NAALADL2: variants seen among roughly 807,000 people sequenced by gnomAD.
NAALADL2 encodes inactive N-acetylated-alpha-linked acidic dipeptidase-like protein 2.
Under a neutral mutation model 87.2 loss-of-function variants are expected in NAALADL2, and 76 were observed. That is an observed-to-expected ratio of 0.87 (90% CI 0.72 to 1.05). NAALADL2 has a LOEUF of 1.05. Among genes scored for constraint, NAALADL2 ranks in the 50% least tolerant of loss-of-function variants. NAALADL2 has a pLI of 0.00. For synonymous variants in NAALADL2, 354 were observed against 331.0 expected, an observed-to-expected ratio of 1.07 and a Z score of -0.75; for missense variants, 1,089 against 945.8, an observed-to-expected ratio of 1.15 and a Z score of -1.99.
rs1196057074 is a variant in NAALADL2, at chr3:175,233,960, A to G, written c.575A>G (p.Asp192Gly). The change falls in exon 3 of 14, where the codon GAT becomes GGT. Residue 192 changes from aspartate (D) to glycine (G), a missense_variant. Physicochemically the swap from Asp to Gly is moderately conservative, Grantham distance 94 (BLOSUM62 -1). Coordinates refer to ENST00000454872, the MANE Select transcript of NAALADL2 (RefSeq NM_207015.3). ...TTGGTACAACTATATAAAAATGAAG[A>G]TGACATGGAAATTTCAAAGAAGATT... is the stretch of plus-strand genomic sequence containing the variant. Reference protein sequence around the residue: ...RNLVQLYKNEDDMEISKKIKT... With the variant: ...RNLVQLYKNEGDMEISKKIKT... 7 of 1,594,510 alleles carry G rather than the reference A, an allele frequency of 4.4e-6. No homozygotes were observed. In the East Asian group the frequency reaches 1.6e-4, roughly 36 times the overall value.
Position 175,126,720 on chromosome 3 carries a change from C to T in NAALADL2, c.545+29429C>T, listed in dbSNP as rs565581210. Among the ~76,000 whole-genome samples, 277 of 152,142 alleles carry T rather than the reference C, an allele frequency of 1.8e-3. 1 individual carries two copies. The highest frequency in any genetic ancestry group is 4.0e-3 in the African/African-American group (167 of 41,516). On this transcript the variant is annotated intron_variant, in intron 2 of 13. Transcript: ENST00000454872. ...AGAATGTATTTAATACACAAATTAACGATTAATGAAGTTTCCTGAGGTTGA... is the reference window on the plus strand; with the variant it reads ...AGAATGTATTTAATACACAAATTAATGATTAATGAAGTTTCCTGAGGTTGA...
intron 1 of NAALADL2, among the ~76,000 whole-genome samples, chr3:174,997,794 G>T (rs1273905561): frequency 6.6e-6 from 1 of 151,840 alleles, no homozygotes; most frequent in Admixed American, 6.6e-5. Flanking sequence ...TCCAGCCTGG[G>T]CAGAAGAGCA....
intron 3 of NAALADL2, among the ~76,000 whole-genome samples, chr3:174,825,895 C>T (rs562985269): frequency 5.9e-5 from 9 of 152,084 alleles, no homozygotes; most frequent in Admixed American, 1.3e-4. Flanking sequence ...GGCGTGGTGG[C>T]GGGCACCTGT....
At chr3:175,426,111 C>T (rs993695403) in intron 5 of NAALADL2, among the ~76,000 whole-genome samples, 10 of 152,134 alleles carry the variant, frequency 6.6e-5, no homozygotes, top group Non-Finnish European at 1.2e-4. Context: ...TGCCTGTAAT[C>T]CCAGCACTTT....
intron 1 of NAALADL2, among the ~76,000 whole-genome samples, chr3:174,443,734 TGAG>T (rs1395253763): frequency 6.6e-6 from 1 of 152,022 alleles, no homozygotes; most frequent in Non-Finnish European, 1.5e-5. Context: ...CATTATGAGA[TGAG>T]GAGAAACCAA....
intron 13 of NAALADL2, among the ~76,000 whole-genome samples, chr3:175,799,026 T>TCATTTAAGGAATAGTTTTTGATAATA (rs1306423764): frequency 6.6e-6 from 1 of 152,114 alleles, no homozygotes. Flanking sequence ...ATGTTACAAC[T>TCATTTAAGGAATAGTTTTTGATAATA]CATTTAAGGA....
chr3:175,462,153 A>G (rs958100678), intron 6 of NAALADL2, among the ~76,000 whole-genome samples: 1 of 152,176 alleles, frequency 6.6e-6, no homozygotes, highest in Non-Finnish European at 1.5e-5. Flanking sequence ...ACAGTAATGC[A>G]AGATGTTAAT....
chr3:175,365,376 T>C (rs1453650567), intron 5 of NAALADL2, among the ~76,000 whole-genome samples: 1 of 147,522 alleles, frequency 6.8e-6, no homozygotes, highest in Non-Finnish European at 1.5e-5. Flanking sequence ...ATTTAGATAA[T>C]ATTATTATCC....
chr3:175,599,334 T>C (rs1722654158), intron 10 of NAALADL2, among the ~76,000 whole-genome samples: 1 of 152,124 alleles, frequency 6.6e-6, no homozygotes, highest in African/African-American at 2.4e-5. Flanking sequence ...ATAATTATAA[T>C]AATAATAGCT....
At chr3:175,651,428 T>C (rs1730747304) in intron 11 of NAALADL2, among the ~76,000 whole-genome samples, 1 of 152,180 alleles carries the variant, frequency 6.6e-6, no homozygotes, top group Admixed American at 6.5e-5. Flanking sequence ...ACATGAGCTT[T>C]GGTGAGAAGT....
intron 13 of NAALADL2, among the ~76,000 whole-genome samples, chr3:175,792,649 T>C (rs1752935578): frequency 2.0e-5 from 3 of 152,226 alleles, no homozygotes; most frequent in Admixed American, 2.0e-4. Flanking sequence ...CTACAGTAAG[T>C]AATCAAGTAT....
At chr3:174,740,405 A>C (rs1253425304) in intron 3 of NAALADL2, among the ~76,000 whole-genome samples, 1 of 151,902 alleles carries the variant, frequency 6.6e-6, no homozygotes, top group Admixed American at 6.6e-5. Flanking sequence ...ATTTAACATA[A>C]ATTCACCTTT....
At chr3:174,593,074 G>A (rs147615656) in intron 2 of NAALADL2, among the ~76,000 whole-genome samples, 2,020 of 152,178 alleles carry the variant, frequency 0.013, 11 homozygotes, top group South Asian at 0.024. Context: ...CACTGTAATC[G>A]AGGTTTTCAA....
At chr3:175,446,258 G>T (rs1003683149) in intron 5 of NAALADL2, among the ~76,000 whole-genome samples, 1 of 134,470 alleles carries the variant, frequency 7.4e-6, no homozygotes, top group Non-Finnish European at 1.6e-5. Context: ...GGGGGGCGGG[G>T]GGGACTGTGT....
intron 9 of NAALADL2, among the ~76,000 whole-genome samples, chr3:175,558,173 C>T (rs78173160): frequency 8.8e-6 from 1 of 113,866 alleles, no homozygotes. Flanking sequence ...CCAACCTGGG[C>T]AACACAGCAA....
intron 4 of NAALADL2, among the ~76,000 whole-genome samples, chr3:175,305,538 T>C (rs1757607994): frequency 6.6e-6 from 1 of 152,142 alleles, no homozygotes; most frequent in African/African-American, 2.4e-5. Flanking sequence ...TTTTTTTGTT[T>C]TGAGACAGAG....
At chr3:174,942,362 C>T (rs529073861) in intron 1 of NAALADL2, among the ~76,000 whole-genome samples, 2 of 152,270 alleles carry the variant, frequency 1.3e-5, no homozygotes, top group South Asian at 4.1e-4. Context: ...TATAGGCCCC[C>T]AATCTCTTTT....
rs553398247 is a variant in NAALADL2 at position 174,988,905 on chromosome 3, G to T, written c.44-107885G>T. ...TACCTGAGGCTGGGTAATTTATAAAGAAAAGAGATTTATTTGGCTCATGGT... is the reference window on the plus strand; with the variant it reads ...TACCTGAGGCTGGGTAATTTATAAATAAAAGAGATTTATTTGGCTCATGGT... On this transcript the variant is annotated intron_variant, in intron 1 of 13. Transcript: ENST00000454872. 2.7e-3 allele frequency among the ~76,000 whole-genome samples: 406 copies of T among 152,270 alleles called. 2 individuals are homozygous for T. The highest frequency in any genetic ancestry group is 9.2e-3 in the African/African-American group (381 of 41,560).
chr3:175,554,147 G>C (rs977710080), intron 9 of NAALADL2, among the ~76,000 whole-genome samples: 1 of 152,054 alleles, frequency 6.6e-6, no homozygotes, highest in African/African-American at 2.4e-5. Flanking sequence ...CTAAATATTG[G>C]AACCAAGTAG....
Sources: gnomAD v4.1 joint callset for allele counts (sites outside exome capture counted in the v4.1 genomes callset) on GRCh38, gnomAD v4.1.1 for gene constraint, MANE v1.5 for transcripts, NCBI Gene and HGNC (gene_info 2026-07-23, HGNC 2026-07-21) for gene names.